Variants in EPHB1 observed in about 807,000 individuals in gnomAD.
EPHB1 encodes the protein ephrin type-B receptor 1.
Under a neutral mutation model 94.4 loss-of-function variants are expected in EPHB1, and 30 were observed. The ratio of observed to expected loss-of-function variants is 0.32; its 90% CI spans 0.24 to 0.43. EPHB1 has a LOEUF of 0.43. EPHB1 is among the 20% of genes least tolerant of loss of function. EPHB1 has a pLI of 1.00. For synonymous variants in EPHB1, 522 were observed against 489.1 expected, an observed-to-expected ratio of 1.07 and a Z score of -0.89; for missense variants, 1,055 against 1,308.3, an observed-to-expected ratio of 0.81 and a Z score of 2.99.
intron 10 of EPHB1, among the ~76,000 whole-genome samples, chr3:135,180,230 A>G (rs1001562213): frequency 6.6e-6 from 1 of 152,214 alleles, no homozygotes; most frequent in African/African-American, 2.4e-5. Context: ...AGTCAGCTGC[A>G]GTTTTATAGA....
chr3:135,140,681 C>T (rs1336718208), intron 5 of EPHB1, among the ~76,000 whole-genome samples: 1 of 152,136 alleles, frequency 6.6e-6, no homozygotes, highest in African/African-American at 2.4e-5. Flanking sequence ...GTGAGAGTTG[C>T]TCTTCTATGA....
chr3:135,236,439 T>C (rs576509583), intron 12 of EPHB1, among the ~76,000 whole-genome samples: 1 of 152,242 alleles, frequency 6.6e-6, no homozygotes, highest in East Asian at 1.9e-4. Flanking sequence ...TTCACAGGTC[T>C]CACAGTTAGG....
At chr3:135,000,502 C>G (rs1464425786) in intron 3 of EPHB1, among the ~76,000 whole-genome samples, 1 of 152,208 alleles carries the variant, frequency 6.6e-6, no homozygotes, top group African/African-American at 2.4e-5. Context: ...AAAACAGGAC[C>G]TGCAAATTGG....
intron 13 of EPHB1, among the ~76,000 whole-genome samples, chr3:135,245,034 A>G (rs1328918839): frequency 2.6e-5 from 4 of 152,222 alleles, no homozygotes; most frequent in African/African-American, 9.7e-5. Context: ...TCCCATGGCT[A>G]TGCTCTACCC....
intron 3 of EPHB1, among the ~76,000 whole-genome samples, chr3:135,037,825 G>C (rs1030480314): frequency 6.6e-5 from 10 of 152,130 alleles, no homozygotes; most frequent in African/African-American, 2.4e-4. Context: ...TTCTTTGAGT[G>C]GTGAATTTTA....
chr3:134,969,618 G>A (rs760673083), intron 3 of EPHB1, among the ~76,000 whole-genome samples: 36 of 152,158 alleles, frequency 2.4e-4, no homozygotes, highest in Non-Finnish European at 3.5e-4. Context: ...AGTGTTAATG[G>A]GAGTCTTCAT....
chr3:134,948,987 G>T (rs949139606), intron 2 of EPHB1, among the ~76,000 whole-genome samples: 15 of 152,252 alleles, frequency 9.9e-5, no homozygotes, highest in African/African-American at 3.6e-4. Context: ...CTGGGAGACA[G>T]AGTTGTGAGT....
chr3:134,967,752 C>T (rs1933818366), intron 3 of EPHB1, among the ~76,000 whole-genome samples: 1 of 152,180 alleles, frequency 6.6e-6, no homozygotes, highest in Non-Finnish European at 1.5e-5. Context: ...GTTATAACAA[C>T]AGAAAATGGA....
intron 8 of EPHB1, among the ~76,000 whole-genome samples, chr3:135,166,378 A>T (rs910098200): frequency 1.4e-4 from 21 of 152,114 alleles, no homozygotes; most frequent in African/African-American, 4.8e-4. Flanking sequence ...ATTGCATTTG[A>T]CTCACTGGAG....
intron 1 of EPHB1, among the ~76,000 whole-genome samples, chr3:134,902,965 T>C (rs2038232811): frequency 6.6e-6 from 1 of 152,212 alleles, no homozygotes; most frequent in African/African-American, 2.4e-5. Flanking sequence ...CATCTGTAAA[T>C]TGCCATATTC....
chr3:134,915,937 A>G (rs991908978), intron 1 of EPHB1, among the ~76,000 whole-genome samples: 1 of 152,188 alleles, frequency 6.6e-6, no homozygotes, highest in African/African-American at 2.4e-5. Context: ...TGGCTGGGGC[A>G]GCCTACTTTT....
At chr3:135,193,662 C>G (rs1942520229) in intron 11 of EPHB1, among the ~76,000 whole-genome samples, 1 of 152,202 alleles carries the variant, frequency 6.6e-6, no homozygotes, top group South Asian at 2.1e-4. Flanking sequence ...TACCCAGTAG[C>G]TGGCTACACA....
intron 9 of EPHB1, among the ~76,000 whole-genome samples, chr3:135,178,339 C>T (rs1320230812): frequency 6.6e-6 from 1 of 151,506 alleles, no homozygotes; most frequent in Non-Finnish European, 1.5e-5. Flanking sequence ...GCCTATAATC[C>T]CAGCTACTCA....
intron 6 of EPHB1, among the ~76,000 whole-genome samples, chr3:135,156,101 C>A (rs1941346145): frequency 6.6e-6 from 1 of 151,996 alleles, no homozygotes; most frequent in Admixed American, 6.6e-5. Context: ...AACGATGTAG[C>A]CGGCACTGAC....
At position 135,132,910 on chromosome 3, in the gene EPHB1, G is replaced by C. The variant is rs772829308; in HGVS notation, c.1158G>C (p.Leu386=). The stretch of plus-strand genomic sequence containing the variant: ...AGTTTGTGCCCAGGCAGCTGGGCCT[G>C]ACGGAGTGCCGCGTCTCCATCAGCA... ...NVEFVPRQLG[L]TECRVSISSL... The change falls in exon 5 of 16, where the codon CTG becomes CTC. Residue 386 remains leucine, a synonymous_variant. Coordinates refer to ENST00000398015, the MANE Select transcript of EPHB1 (RefSeq NM_004441.5). 6.2e-7 allele frequency: 1 copy of C among 1,613,932 alleles called. No individual in the cohort carries two copies.
In EPHB1 at chr3:135,218,293, ATTC is replaced by A. The variant is rs556221960; in HGVS notation, c.2346+16611_2346+16613del. 5.3e-5 allele frequency among the ~76,000 whole-genome samples: 8 copies of A among 152,270 alleles called. No homozygotes were observed. The South Asian group carries it at 1.0e-3, about 20-fold the overall frequency. On this transcript the variant is annotated intron_variant, in intron 12 of 15. Coordinates refer to ENST00000398015, the MANE Select transcript of EPHB1 (RefSeq NM_004441.5). ...TATCCCCTTTTCCACCACTCAAATA[ATTC>A]TTCTTCAGGCAGATTTGGCTCCTCC...
intron 3 of EPHB1, among the ~76,000 whole-genome samples, chr3:135,095,722 T>G (rs1173591416): frequency 1.3e-5 from 2 of 152,162 alleles, no homozygotes; most frequent in East Asian, 3.9e-4. Context: ...TCAGGGCCCC[T>G]GAAGGCACTG....
At chr3:135,175,489 A>C (rs988781864) in intron 9 of EPHB1, among the ~76,000 whole-genome samples, 8 of 152,248 alleles carry the variant, frequency 5.3e-5, no homozygotes, top group Non-Finnish European at 2.9e-5. Flanking sequence ...TTGAGGTCAA[A>C]GAACACACAT....
At chr3:135,199,320 C>T (rs1942699792) in intron 11 of EPHB1, among the ~76,000 whole-genome samples, 1 of 152,118 alleles carries the variant, frequency 6.6e-6, no homozygotes, top group South Asian at 2.1e-4. Context: ...TCCCCAGAGA[C>T]CTACTTGGAG....
Sources: gnomAD v4.1 joint callset for allele counts (sites outside exome capture counted in the v4.1 genomes callset) on GRCh38, gnomAD v4.1.1 for gene constraint, MANE v1.5 for transcripts, NCBI Gene and HGNC (gene_info 2026-07-23, HGNC 2026-07-21) for gene names.